CCSER1: variants seen among roughly 807,000 people sequenced by gnomAD.
CCSER1 encodes the protein serine-rich coiled-coil domain-containing protein 1.
CCSER1 carries 41 observed loss-of-function variants against 82.0 expected under a neutral mutation model. That is an observed-to-expected ratio of 0.50 (90% CI 0.39 to 0.65). The LOEUF is 0.65. CCSER1 is among the 30% of genes least tolerant of loss of function. The pLI, the probability that CCSER1 is intolerant of heterozygous loss-of-function variation, is 0.00. For missense variants in CCSER1, 1,119 were observed against 1,064.2 expected, an observed-to-expected ratio of 1.05 and a Z score of -0.72; for synonymous variants, 414 against 383.9, an observed-to-expected ratio of 1.08 and a Z score of -0.92.
At chr4:91,110,252 G>A (rs1725983175) in intron 10 of CCSER1, among the ~76,000 whole-genome samples, 1 of 151,646 alleles carries the variant, frequency 6.6e-6, no homozygotes, top group African/African-American at 2.4e-5. Context: ...ATGTGATGTT[G>A]AACAAGTTGC....
At chr4:90,692,253 G>A (rs747379993) in intron 6 of CCSER1, among the ~76,000 whole-genome samples, 1 of 151,628 alleles carries the variant, frequency 6.6e-6, no homozygotes, top group African/African-American at 2.4e-5. Flanking sequence ...TCTGTGTTAT[G>A]TGACTTAATT....
At chr4:91,343,107 C>T (rs1446132190) in intron 10 of CCSER1, among the ~76,000 whole-genome samples, 1 of 152,024 alleles carries the variant, frequency 6.6e-6, no homozygotes, top group Non-Finnish European at 1.5e-5. Flanking sequence ...AAAATATTTA[C>T]TGTTGCCTAC....
At chr4:90,232,960 A>G (rs1744929316) in intron 1 of CCSER1, among the ~76,000 whole-genome samples, 1 of 150,654 alleles carries the variant, frequency 6.6e-6, no homozygotes, top group African/African-American at 2.4e-5. Context: ...CAATCATTAA[A>G]AAGTCAGGAA....
At chr4:90,562,957 A>T (rs1382655151) in intron 5 of CCSER1, among the ~76,000 whole-genome samples, 1 of 151,588 alleles carries the variant, frequency 6.6e-6, no homozygotes, top group African/African-American at 2.4e-5. Flanking sequence ...TATTTAAAGT[A>T]TACTTGTATT....
chr4:91,245,297 A>G (rs1419909963), intron 10 of CCSER1, among the ~76,000 whole-genome samples: 4 of 152,210 alleles, frequency 2.6e-5, no homozygotes, highest in African/African-American at 7.2e-5. Flanking sequence ...TAAGAAGATT[A>G]TAAAACACAA....
chr4:91,130,132 G>T (rs1047272722), intron 10 of CCSER1: 2 of 151,858 alleles, frequency 1.3e-5, no homozygotes, highest in Non-Finnish European at 2.9e-5. Context: ...TACTGTAGCT[G>T]TGTCCATTAT....
chr4:91,356,400 C>T (rs979973208), intron 10 of CCSER1, among the ~76,000 whole-genome samples: 1 of 152,218 alleles, frequency 6.6e-6, no homozygotes, highest in African/African-American at 2.4e-5. Context: ...AAAATATTGA[C>T]TTAAATCTTA....
chr4:91,275,894 C>T (rs960169317), intron 10 of CCSER1, among the ~76,000 whole-genome samples: 11 of 152,094 alleles, frequency 7.2e-5, no homozygotes, highest in Non-Finnish European at 1.3e-4. Flanking sequence ...CCAATTTACC[C>T]AGCACCATTT....
intron 9 of CCSER1, among the ~76,000 whole-genome samples, chr4:90,947,586 G>A (rs1406869803): frequency 6.6e-6 from 1 of 152,064 alleles, no homozygotes; most frequent in Non-Finnish European, 1.5e-5. Context: ...TATTACCACA[G>A]TCCTATTCCA....
At chr4:91,593,645 T>A (rs2110346348) in intron 10 of CCSER1, among the ~76,000 whole-genome samples, 1 of 152,018 alleles carries the variant, frequency 6.6e-6, no homozygotes, top group African/African-American at 2.4e-5. Context: ...AACCCAATGC[T>A]TTATAAAATC....
intron 7 of CCSER1, among the ~76,000 whole-genome samples, chr4:90,745,458 G>T (rs1014148808): frequency 1.3e-5 from 2 of 152,096 alleles, no homozygotes; most frequent in Non-Finnish European, 2.9e-5. Context: ...TGTCGAATGG[G>T]GCGGGAAGCG....
At chr4:90,140,552 C>A (rs972824073) in intron 1 of CCSER1, among the ~76,000 whole-genome samples, 8 of 149,816 alleles carry the variant, frequency 5.3e-5, no homozygotes. Context: ...TTGTATCAAT[C>A]TTTGTTATAT....
In CCSER1 at chr4:91,225,196, A is replaced by G. The variant is rs2149106040; in HGVS notation, c.2217+139202A>G. Among the ~76,000 whole-genome samples the G allele has an allele frequency of 1.4e-5, 2 of 141,736 alleles. 1 individual carries two copies. Among genetic ancestry groups the G allele is most frequent in the East Asian group, 4.0e-4 (2 of 5,014 alleles). 93.0% of individuals were successfully genotyped at this position (141,736 alleles called of 152,430 possible). On this transcript the variant is annotated intron_variant, in intron 10 of 10. Transcript: ENST00000509176. ...TGTGTATATATGTATATAATTATAT[A>G]TAATATATATAATATATAATTGTAT...
intron 5 of CCSER1, among the ~76,000 whole-genome samples, chr4:90,619,824 C>T (rs1001280688): frequency 3.9e-5 from 6 of 151,986 alleles, no homozygotes; most frequent in Admixed American, 3.3e-4. Context: ...GTACTTTCAT[C>T]TCTACATTCA....
intron 3 of CCSER1, among the ~76,000 whole-genome samples, chr4:90,386,539 T>C (rs975562617): frequency 7.9e-5 from 12 of 151,998 alleles, no homozygotes; most frequent in Non-Finnish European, 1.8e-4. Context: ...CCCCATAAAA[T>C]ACCCTAAAAA....
chr4:91,150,118 A>C (rs1730006709), intron 10 of CCSER1, among the ~76,000 whole-genome samples: 1 of 152,202 alleles, frequency 6.6e-6, no homozygotes, highest in African/African-American at 2.4e-5. Context: ...TGAGCATGGA[A>C]TGTTCCTCCA....
intron 3 of CCSER1, among the ~76,000 whole-genome samples, chr4:90,379,686 T>C (rs1404527837): frequency 6.6e-6 from 1 of 152,180 alleles, no homozygotes; most frequent in African/African-American, 2.4e-5. Flanking sequence ...CAATTTAACT[T>C]CTACAGACAC....
intron 5 of CCSER1, among the ~76,000 whole-genome samples, chr4:90,537,211 ATT>A (rs1279030410): frequency 6.6e-6 from 1 of 152,020 alleles, no homozygotes; most frequent in African/African-American, 2.4e-5. Context: ...GCTTTGTTGC[ATT>A]GTTTTATTTT....
chr4:90,428,004 A>G (rs1023939633), intron 4 of CCSER1, among the ~76,000 whole-genome samples: 1 of 151,804 alleles, frequency 6.6e-6, no homozygotes, highest in African/African-American at 2.4e-5. Flanking sequence ...CATTTTGTAG[A>G]TAATATGCCC....
Sources: allele counts gnomAD v4.1 joint callset (sites outside exome capture counted in the v4.1 genomes callset), GRCh38; gene constraint gnomAD v4.1.1; transcripts MANE v1.5; gene names NCBI Gene and HGNC (gene_info 2026-07-23, HGNC 2026-07-21).